SAMD5: variants seen among roughly 807,000 people sequenced by gnomAD.
The protein encoded by SAMD5 is sterile alpha motif domain containing 5.
A neutral mutation model predicts 11.3 loss-of-function variants in SAMD5; 13 were observed. The observed-to-expected ratio is 1.15, with a 90% CI of 0.75 to 1.83. SAMD5 has a LOEUF of 1.83. Among genes scored for constraint, SAMD5 ranks in the 40% most tolerant of loss-of-function variants. SAMD5 has a pLI of 0.00. For synonymous variants in SAMD5, 129 were observed against 111.3 expected, an observed-to-expected ratio of 1.16 and a Z score of -1.00; for missense variants, 255 against 239.1, an observed-to-expected ratio of 1.07 and a Z score of -0.44.
chr6:147,521,566 T>C (rs1249789797), intron 1 of SAMD5, among the ~76,000 whole-genome samples: 1 of 152,072 alleles, frequency 6.6e-6, no homozygotes, highest in Non-Finnish European at 1.5e-5. Context: ...CTTGAATAAG[T>C]TATTTAGTCT....
chr6:147,864,768 C>T, the SAMD5 span, among the ~76,000 whole-genome samples: 1 of 152,156 alleles, frequency 6.6e-6, no homozygotes, highest in Non-Finnish European at 1.5e-5. Flanking sequence ...AAGATGGTTA[C>T]TTTCTGAACC....
intron 1 of SAMD5, among the ~76,000 whole-genome samples, chr6:147,537,501 C>G (rs1788527645): frequency 1.3e-5 from 2 of 152,164 alleles, no homozygotes; most frequent in Admixed American, 1.3e-4. Context: ...GCCTGTAATC[C>G]CAGCACTTTG....
At chr6:147,796,190 A>G in the SAMD5 span, among the ~76,000 whole-genome samples, 1 of 149,280 alleles carries the variant, frequency 6.7e-6, no homozygotes, top group Non-Finnish European at 1.5e-5. Context: ...TAGGGTTTTT[A>G]TGGTTTTAGG....
chr6:147,728,070 T>C (rs1791654924), intron 1 of SAMD5, among the ~76,000 whole-genome samples: 1 of 152,230 alleles, frequency 6.6e-6, no homozygotes, highest in Admixed American at 6.5e-5. Context: ...TATCACTGTT[T>C]TGTAATTCTG....
chr6:147,736,571 A>T (rs373469792), intron 1 of SAMD5, among the ~76,000 whole-genome samples: 5 of 152,216 alleles, frequency 3.3e-5, no homozygotes, highest in African/African-American at 9.6e-5. Flanking sequence ...AGATGGGCAC[A>T]GGGAAGCAAG....
At chr6:147,890,941 A>G in the SAMD5 span, among the ~76,000 whole-genome samples, 1 of 152,338 alleles carries the variant, frequency 6.6e-6, no homozygotes, top group African/African-American at 2.4e-5. Context: ...ACAATGCACT[A>G]TGTTACATCC....
chr6:147,940,202 A>AT, the SAMD5 span, among the ~76,000 whole-genome samples: 14,263 of 133,136 alleles, frequency 0.11, 840 homozygotes, highest in South Asian at 0.14. Flanking sequence ...GGCAGAATTC[A>AT]TTTTTTTTTT....
At chr6:147,653,557 A>T (rs2128453605) in intron 1 of SAMD5, among the ~76,000 whole-genome samples, 1 of 152,330 alleles carries the variant, frequency 6.6e-6, no homozygotes, top group African/African-American at 2.4e-5. Context: ...AAAGACTTGT[A>T]ATTAGGCAGA....
intron 1 of SAMD5, among the ~76,000 whole-genome samples, chr6:147,522,985 G>A (rs1562311902): frequency 1.3e-5 from 2 of 152,072 alleles, no homozygotes; most frequent in South Asian, 4.1e-4. Context: ...CAGTAAAGAG[G>A]GGCTTTTTTT....
At chr6:147,704,826 C>G (rs1791303563) in intron 1 of SAMD5, among the ~76,000 whole-genome samples, 1 of 152,198 alleles carries the variant, frequency 6.6e-6, no homozygotes, top group African/African-American at 2.4e-5. Flanking sequence ...TTCTGTTCCT[C>G]CTTGGGGATT....
chr6:147,896,694 G>GT, the SAMD5 span, among the ~76,000 whole-genome samples: 3 of 103,126 alleles, frequency 2.9e-5, no homozygotes, highest in Non-Finnish European at 5.1e-5. Context: ...TACTGTGGGA[G>GT]TTTTTTTAAA....
the SAMD5 span, among the ~76,000 whole-genome samples, chr6:147,872,508 C>T: frequency 6.6e-6 from 1 of 152,170 alleles, no homozygotes; most frequent in Non-Finnish European, 1.5e-5. Context: ...GGGTTATTAT[C>T]CTCATTTTAC....
the SAMD5 span, among the ~76,000 whole-genome samples, chr6:147,918,064 C>G: frequency 2.0e-5 from 3 of 152,040 alleles, no homozygotes; most frequent in East Asian, 1.9e-4. Flanking sequence ...TCCATATGAA[C>G]TTTAAAGTAG....
At chr6:147,814,559 G>T in the SAMD5 span, among the ~76,000 whole-genome samples, 13 of 152,116 alleles carry the variant, frequency 8.5e-5, no homozygotes, top group Non-Finnish European at 2.9e-5. Context: ...CTCACTGGGG[G>T]AGGAGAGCTT....
At chr6:147,522,413 T>C (rs146940037) in intron 1 of SAMD5, among the ~76,000 whole-genome samples, 35 of 152,328 alleles carry the variant, frequency 2.3e-4, no homozygotes, top group South Asian at 1.9e-3. Flanking sequence ...TGGGATTGAA[T>C]ATTTAATCCT....
intron 1 of SAMD5, among the ~76,000 whole-genome samples, chr6:147,702,129 A>T (rs573358566): frequency 2.0e-5 from 3 of 152,234 alleles, no homozygotes; most frequent in Non-Finnish European, 4.4e-5. Context: ...GCAAAGGGAC[A>T]TCTTACATGG....
At chr6:147,847,563 T>G in the SAMD5 span, among the ~76,000 whole-genome samples, 1 of 152,076 alleles carries the variant, frequency 6.6e-6, no homozygotes, top group Non-Finnish European at 1.5e-5. Flanking sequence ...CCAAAGAATA[T>G]TACCTGGAGC....
intron 1 of SAMD5, among the ~76,000 whole-genome samples, chr6:147,539,126 A>C (rs1486023933): frequency 1.3e-5 from 2 of 152,220 alleles, no homozygotes. Flanking sequence ...AGGCAAAGAC[A>C]GATCCCCAAA....
the SAMD5 span, among the ~76,000 whole-genome samples, chr6:147,765,931 C>T: frequency 8.6e-5 from 13 of 151,998 alleles, no homozygotes; most frequent in Non-Finnish European, 2.9e-5. Context: ...AAGAAAGCCT[C>T]AGATTGACAC....
Sources: gnomAD v4.1 joint callset for allele counts (sites outside exome capture counted in the v4.1 genomes callset) on GRCh38, gnomAD v4.1.1 for gene constraint, MANE v1.5 for transcripts, NCBI Gene and HGNC (gene_info 2026-07-23, HGNC 2026-07-21) for gene names.